PTPRN2: variants seen among roughly 807,000 people sequenced by gnomAD.
PTPRN2 encodes receptor-type tyrosine-protein phosphatase N2.
A neutral mutation model predicts 118.8 loss-of-function variants in PTPRN2; 74 were observed. The observed-to-expected ratio is 0.62, with a 90% CI of 0.52 to 0.76. PTPRN2 has a LOEUF of 0.76. Among genes scored for constraint, PTPRN2 ranks in the 30% least tolerant of loss-of-function variants. The pLI is 0.00. For synonymous variants in PTPRN2, 641 were observed against 608.0 expected (o/e 1.05, Z -0.80); for missense variants, 1,481 against 1,394.4 (o/e 1.06, Z -0.99).
At chr7:157,633,227 A>G (rs1216471911) in intron 14 of PTPRN2, among the ~76,000 whole-genome samples, 4 of 149,236 alleles carry the variant, frequency 2.7e-5, no homozygotes, top group African/African-American at 9.9e-5. Flanking sequence ...TGTAACCTCC[A>G]CCTCCTGGGT....
intron 11 of PTPRN2, among the ~76,000 whole-genome samples, chr7:158,073,306 C>T (rs1367323169): frequency 1.3e-5 from 2 of 152,210 alleles, no homozygotes; most frequent in African/African-American, 2.4e-5. Flanking sequence ...CTGTGAGCCG[C>T]GGCTGCAGGA....
At chr7:158,449,498 T>C (rs979805868) in intron 2 of PTPRN2, among the ~76,000 whole-genome samples, 8 of 151,032 alleles carry the variant, frequency 5.3e-5, no homozygotes, top group Non-Finnish European at 8.9e-5. Context: ...CAAACACCAA[T>C]AGGCAGAAGC....
chr7:158,277,848 C>T (rs1799129084), intron 3 of PTPRN2, among the ~76,000 whole-genome samples: 1 of 152,200 alleles, frequency 6.6e-6, no homozygotes, highest in Non-Finnish European at 1.5e-5. Flanking sequence ...CAGGGAGCAG[C>T]CCATGCCCTC....
intron 5 of PTPRN2, among the ~76,000 whole-genome samples, chr7:158,182,588 C>G (rs909350509): frequency 1.3e-5 from 2 of 152,062 alleles, no homozygotes; most frequent in Non-Finnish European, 2.9e-5. Flanking sequence ...ATTTTCTGTT[C>G]CTGTGTTAGT....
In PTPRN2 at chr7:158,494,983, C is replaced by T. The variant is rs12673035; in HGVS notation, c.113-5198G>A. 4.4e-3 allele frequency among the ~76,000 whole-genome samples: 675 copies of T among 152,268 alleles called. 9 individuals carry two copies. Among genetic ancestry groups the T allele is most frequent in the East Asian group, 0.039 (200 of 5,176 alleles). ...GAGCTCACAGACTCCACGCCCAATC[C>T]GACCCTGTTACTGTCAGTCACTCTG... On this transcript the variant is annotated intron_variant, in intron 1 of 22. Coordinates refer to ENST00000389418, the MANE Select transcript of PTPRN2 (RefSeq NM_002847.5).
chr7:158,091,128 A>C (rs995773306), intron 10 of PTPRN2, among the ~76,000 whole-genome samples: 1 of 152,266 alleles, frequency 6.6e-6, no homozygotes, highest in Non-Finnish European at 1.5e-5. Context: ...CAGTCGATAC[A>C]TAACACAGGC....
chr7:157,807,454 G>A (rs1321346702), intron 12 of PTPRN2, among the ~76,000 whole-genome samples: 1 of 152,214 alleles, frequency 6.6e-6, no homozygotes, highest in African/African-American at 2.4e-5. Flanking sequence ...ACTCCACAGG[G>A]CCCAGATGTC....
intron 2 of PTPRN2, among the ~76,000 whole-genome samples, chr7:158,464,999 T>G (rs1819290255): frequency 6.6e-6 from 1 of 152,210 alleles, no homozygotes; most frequent in African/African-American, 2.4e-5. Flanking sequence ...GCTAAGTAAT[T>G]TTCTTAGGAT....
At chr7:157,753,164 C>T (rs1446344196) in intron 12 of PTPRN2, among the ~76,000 whole-genome samples, 1 of 152,206 alleles carries the variant, frequency 6.6e-6, no homozygotes, top group African/African-American at 2.4e-5. Context: ...TCCTAAACGC[C>T]TCCCTCTGCT....
intron 12 of PTPRN2, among the ~76,000 whole-genome samples, chr7:157,725,220 TCGCCTCC>T (rs1799470355): frequency 1.4e-5 from 2 of 138,306 alleles, no homozygotes; most frequent in South Asian, 2.5e-4. Context: ...GGCCAGACCC[TCGCCTCC>T]CAGGAGAACT....
chr7:157,972,410 G>A (rs1802397695), intron 11 of PTPRN2, among the ~76,000 whole-genome samples: 2 of 152,322 alleles, frequency 1.3e-5, no homozygotes, highest in Admixed American at 6.5e-5. Context: ...AGCTCAGGAC[G>A]AGAGAATGCC....
intron 13 of PTPRN2, 77 bp from the exon 14 acceptor site, chr7:157,656,628 C>A (rs113834141): frequency 1.5e-6 from 2 of 1,325,402 alleles, no homozygotes; most frequent in Non-Finnish European, 2.1e-6. Flanking sequence ...ACGGCACCCA[C>A]GTGGCACAAC....
intron 2 of PTPRN2, among the ~76,000 whole-genome samples, chr7:158,479,856 G>A (rs1455684023): frequency 1.3e-5 from 2 of 152,214 alleles, no homozygotes; most frequent in Non-Finnish European, 2.9e-5. Flanking sequence ...CCAGCTCTGC[G>A]GCGCAGTGGG....
intron 12 of PTPRN2, among the ~76,000 whole-genome samples, chr7:157,776,205 C>T (rs1341559883): frequency 2.0e-5 from 3 of 147,254 alleles, no homozygotes; most frequent in Non-Finnish European, 4.5e-5. Context: ...CCTCCCTCTC[C>T]TCCTCCATCT....
At chr7:158,568,261 TA>T (rs768580273) in intron 1 of PTPRN2, among the ~76,000 whole-genome samples, 13 of 152,022 alleles carry the variant, frequency 8.6e-5, no homozygotes, top group Non-Finnish European at 1.3e-4. Context: ...ATAATAATAA[TA>T]ATGTTTTAAA....
chr7:158,201,529 T>G (rs1290256029), intron 4 of PTPRN2, among the ~76,000 whole-genome samples: 5 of 152,162 alleles, frequency 3.3e-5, no homozygotes, highest in Admixed American at 3.3e-4. Context: ...AAATCCACAT[T>G]CTATAGGGAT....
At chr7:158,434,673 G>A (rs904897752) in intron 2 of PTPRN2, among the ~76,000 whole-genome samples, 3 of 151,818 alleles carry the variant, frequency 2.0e-5, no homozygotes, top group East Asian at 1.9e-4. Flanking sequence ...GATTTATATC[G>A]ACTATCTTAC....
intron 3 of PTPRN2, among the ~76,000 whole-genome samples, chr7:158,238,366 G>A (rs1310412857): frequency 6.6e-6 from 1 of 152,020 alleles, no homozygotes; most frequent in Non-Finnish European, 1.5e-5. Context: ...TAAAGCGGGG[G>A]GTGTGGGTGG....
intron 12 of PTPRN2, among the ~76,000 whole-genome samples, chr7:157,751,663 T>G (rs1801475730): frequency 6.6e-6 from 1 of 152,012 alleles, no homozygotes; most frequent in Non-Finnish European, 1.5e-5. Flanking sequence ...TTGAGGTTAC[T>G]CTGCACCGCT....
Sources: gnomAD v4.1 joint callset for allele counts (sites outside exome capture counted in the v4.1 genomes callset) on GRCh38, gnomAD v4.1.1 for gene constraint, MANE v1.5 for transcripts, NCBI Gene and HGNC (gene_info 2026-07-23, HGNC 2026-07-21) for gene names.